ATXN1: variants seen among roughly 807,000 people sequenced by gnomAD.
ATXN1 encodes ataxin 1, also known as ataxin-1.
In ATXN1, 8 loss-of-function variants were observed where a neutral mutation model predicts 56.4. The observed-to-expected ratio is 0.14, with a 90% CI of 0.08 to 0.26. ATXN1 has a LOEUF of 0.26. ATXN1 is among the 10% of genes least tolerant of loss of function. The pLI, the probability that ATXN1 is intolerant of heterozygous loss-of-function variation, is 1.00. For missense variants in ATXN1, 987 were observed against 1,106.5 expected (o/e 0.89, Z 1.53); for synonymous variants, 514 against 494.6 (o/e 1.04, Z -0.52).
chr6:16,327,300 C>T lies in ATXN1; in HGVS notation c.1011G>A (p.Pro337=), dbSNP rs769825610. 25 of 1,613,144 alleles carry T rather than the reference C, an allele frequency of 1.5e-5. No homozygotes were observed. The highest frequency in any genetic ancestry group is 6.7e-5 in the Admixed American group (4 of 60,008). ...TGCCCAGGCCCAGGTCGGCTGAGGA[C>T]GGGGCCCCGTACCGCCGGCTCTTCT... The part of the protein sequence containing the change: ...EMEKSRRYGA[P]SSADLGLGKA... The change falls in exon 7 of 8, where the codon CCG becomes CCA. Residue 337 remains proline, a synonymous_variant. Coordinates refer to ENST00000436367, the MANE Select transcript of ATXN1 (RefSeq NM_001128164.2).
chr6:16,547,767 G>T (rs1284234904), intron 4 of ATXN1, among the ~76,000 whole-genome samples: 1 of 152,092 alleles, frequency 6.6e-6, no homozygotes, highest in Non-Finnish European at 1.5e-5. Flanking sequence ...CTATCTCTGA[G>T]CCCAAGTTTC....
At chr6:16,694,505 A>G (rs9350013) in intron 2 of ATXN1, among the ~76,000 whole-genome samples, 1,728 of 152,250 alleles carry the variant, frequency 0.011, 15 homozygotes, top group East Asian at 0.023. Context: ...AATTATGTCT[A>G]TGTTAATGAG....
At chr6:16,564,353 A>G (rs777397650) in intron 4 of ATXN1, among the ~76,000 whole-genome samples, 4 of 152,214 alleles carry the variant, frequency 2.6e-5, no homozygotes, top group Non-Finnish European at 5.9e-5. Flanking sequence ...TAACTACCTA[A>G]AAGTAGGCTG....
At chr6:16,653,748 C>T (rs548645842) in intron 3 of ATXN1, among the ~76,000 whole-genome samples, 1 of 152,188 alleles carries the variant, frequency 6.6e-6, no homozygotes, top group Non-Finnish European at 1.5e-5. Flanking sequence ...AAGTGGGTTT[C>T]TAAAGGTTCA....
At chr6:16,436,778 A>C (rs1759401253) in intron 6 of ATXN1, among the ~76,000 whole-genome samples, 1 of 152,160 alleles carries the variant, frequency 6.6e-6, no homozygotes, top group African/African-American at 2.4e-5. Context: ...CCTTACTCTG[A>C]GTGAGCTGAG....
chr6:16,737,224 A>T (rs893751876), intron 2 of ATXN1: 1 of 152,214 alleles, frequency 6.6e-6, no homozygotes, highest in Non-Finnish European at 1.5e-5. Flanking sequence ...ATTTTTAATT[A>T]TTTGGTTCAG....
intron 2 of ATXN1, among the ~76,000 whole-genome samples, chr6:16,748,182 A>G (rs1760597018): frequency 6.6e-6 from 1 of 152,230 alleles, no homozygotes; most frequent in South Asian, 2.1e-4. Flanking sequence ...TCAAGGAGAT[A>G]TGAGTAAGAG....
At chr6:16,360,411 A>G (rs1193828631) in intron 6 of ATXN1, among the ~76,000 whole-genome samples, 1 of 152,222 alleles carries the variant, frequency 6.6e-6, no homozygotes, top group Non-Finnish European at 1.5e-5. Flanking sequence ...TTAAATTTAC[A>G]TATGTCAATG....
At chr6:16,503,776 A>G (rs1486403653) in intron 5 of ATXN1, among the ~76,000 whole-genome samples, 2 of 152,164 alleles carry the variant, frequency 1.3e-5, no homozygotes, top group Non-Finnish European at 2.9e-5. Flanking sequence ...AACTAGGGAA[A>G]AATATTTATG....
intron 6 of ATXN1, among the ~76,000 whole-genome samples, chr6:16,417,795 T>C (rs924897545): frequency 1.3e-5 from 2 of 151,992 alleles, no homozygotes; most frequent in African/African-American, 4.8e-5. Context: ...TGTATCTCAC[T>C]CCCAGACAAC....
intron 3 of ATXN1, among the ~76,000 whole-genome samples, chr6:16,603,924 G>A (rs918972675): frequency 3.9e-5 from 6 of 152,114 alleles, no homozygotes; most frequent in African/African-American, 1.4e-4. Context: ...CTGGCATGAG[G>A]GTGTGGGGAC....
At chr6:16,456,126 C>T (rs1378647930) in intron 6 of ATXN1, among the ~76,000 whole-genome samples, 1 of 152,132 alleles carries the variant, frequency 6.6e-6, no homozygotes, top group Non-Finnish European at 1.5e-5. Flanking sequence ...GTTAACCTTG[C>T]TACTGCTCAC....
chr6:16,430,896 A>G (rs1343248525), intron 6 of ATXN1, among the ~76,000 whole-genome samples: 1 of 152,164 alleles, frequency 6.6e-6, no homozygotes, highest in Non-Finnish European at 1.5e-5. Context: ...AAGCCTCTCT[A>G]AAAAGGGTTG....
intron 3 of ATXN1, among the ~76,000 whole-genome samples, chr6:16,655,917 C>G (rs1206094135): frequency 6.6e-6 from 1 of 151,556 alleles, no homozygotes; most frequent in Non-Finnish European, 1.5e-5. Flanking sequence ...TGGTGAAACC[C>G]CAGCTCTACT....
intron 6 of ATXN1, among the ~76,000 whole-genome samples, chr6:16,470,457 C>T (rs1003941904): frequency 5.3e-5 from 8 of 152,060 alleles, no homozygotes; most frequent in African/African-American, 1.9e-4. Flanking sequence ...ATGGCTAAGA[C>T]AGTAAATTTT....
chr6:16,678,588 T>G (rs1758734258), intron 2 of ATXN1, among the ~76,000 whole-genome samples: 1 of 152,222 alleles, frequency 6.6e-6, no homozygotes, highest in Non-Finnish European at 1.5e-5. Flanking sequence ...AAGATTGACC[T>G]TTATAGAATA....
intron 3 of ATXN1, among the ~76,000 whole-genome samples, chr6:16,602,821 T>A (rs1289791014): frequency 2.0e-5 from 3 of 152,204 alleles, no homozygotes; most frequent in Non-Finnish European, 2.9e-5. Context: ...TTTTGCTTCC[T>A]ATGAAGGCTT....
chr6:16,658,099 G>A (rs1040371620), intron 2 of ATXN1, among the ~76,000 whole-genome samples, 198 bp from the exon 3 acceptor site: 5 of 151,956 alleles, frequency 3.3e-5, no homozygotes, highest in Admixed American at 1.3e-4. Context: ...TGGGGTGTGG[G>A]AAGGAAGAAA....
chr6:16,421,877 G>GA (rs1346093577), intron 6 of ATXN1, among the ~76,000 whole-genome samples: 3 of 152,062 alleles, frequency 2.0e-5, no homozygotes, highest in Non-Finnish European at 4.4e-5. Flanking sequence ...GGGCAATATG[G>GA]AAAAAAACAT....
Sources: allele counts gnomAD v4.1 joint callset (sites outside exome capture counted in the v4.1 genomes callset), GRCh38; gene constraint gnomAD v4.1.1; transcripts MANE v1.5; gene names NCBI Gene and HGNC (gene_info 2026-07-23, HGNC 2026-07-21).